GAD1: variants seen among roughly 807,000 people sequenced by gnomAD.
GAD1 encodes 67 kDa glutamic acid decarboxylase.
GAD1 carries 35 observed loss-of-function variants against 75.2 expected under a neutral mutation model. The ratio of observed to expected loss-of-function variants is 0.47; its 90% confidence interval spans 0.36 to 0.62. The LOEUF is 0.62. GAD1 is among the 20% of genes least tolerant of loss of function. GAD1 has a pLI of 0.00. For missense variants in GAD1, 490 were observed against 758.5 expected, an observed-to-expected ratio of 0.65 and a Z score of 4.16; for synonymous variants, 257 against 271.9, an observed-to-expected ratio of 0.95 and a Z score of 0.54.
At position 170,818,457 on chromosome 2, in the gene GAD1, C is replaced by G; in HGVS notation, c.-63-72C>G. The G allele has an allele frequency of 2.4e-6, 2 of 819,294 alleles. No individual in the cohort carries two copies. The highest frequency in any genetic ancestry group is 1.8e-5 in the Admixed American group (1 of 55,968). 50.8% of individuals were successfully genotyped at this position (819,294 alleles called of 1,614,324 possible). The stretch of plus-strand genomic sequence containing the variant: ...ATCTTCAAGGGGAGCCTCCGTGCCC[C>G]CGGCTGCTCAGTCCCTCCGGTGTGC... On this transcript the variant is annotated intron_variant, in intron 1 of 16. Transcript: ENST00000358196. This position sits in a 1 kb window ranked among gnomAD's most constrained non-coding sequence, Gnocchi z 5.9.
intron 5 of GAD1, among the ~76,000 whole-genome samples, chr2:170,836,053 G>A (rs568808186): frequency 1.3e-5 from 2 of 152,184 alleles, no homozygotes; most frequent in South Asian, 2.1e-4. Flanking sequence ...TTCTCAGAGA[G>A]GAGAGTTAGA....
At chr2:170,821,500 T>C (rs1701878793) in intron 2 of GAD1, among the ~76,000 whole-genome samples, 2 of 152,212 alleles carry the variant, frequency 1.3e-5, no homozygotes, top group Non-Finnish European at 2.9e-5. Context: ...CTCCCCGGTC[T>C]GACTGAAGAG....
chr2:170,845,503 CA>C lies in GAD1; in HGVS notation c.752-2del. 1 of 1,612,610 alleles carries C rather than the reference CA, an allele frequency of 6.2e-7. No individual in the cohort carries two copies. Among genetic ancestry groups the C allele is most frequent in the Non-Finnish European group, 8.5e-7 (1 of 1,179,446 alleles). On this transcript the variant is annotated splice_acceptor_variant, in intron 7 of 16. Transcript: ENST00000358196. LOFTEE classifies it high-confidence loss of function. ...ACCTCCCAATATGTCCGCTTGCTGA[CA>C]GGGGGCGCCATATCCAACATGTACA...
Position 170,858,900 on chromosome 2 carries a change from A to T in GAD1, c.1611+7A>T, listed in dbSNP as rs1327915112. The T allele has an allele frequency of 6.2e-7, 1 of 1,612,948 alleles. No homozygotes were observed. The highest frequency in any genetic ancestry group is 2.2e-5 in the East Asian group (1 of 44,878). On this transcript the variant is annotated splice_region_variant and intron_variant, in intron 16 of 16. Transcript: ENST00000358196. ...ACGGGAAAAGCTACACAAGGTATGG[A>T]CTTGCTTTTTGTCTCATCTAATCCT...
chr2:170,858,660 G>A lies in GAD1; in HGVS notation c.1522-144G>A, dbSNP rs1401119360. On this transcript the variant is annotated intron_variant, in intron 15 of 16. Coordinates refer to ENST00000358196, the MANE Select transcript of GAD1 (RefSeq NM_000817.3). ...TAAATGAGGCATTGTTCTCCCTGGT[G>A]TGGAAGTAACATTGCCTTTGAGATG... 6.8e-6 allele frequency: 5 copies of A among 735,384 alleles called. No individual in the cohort carries two copies. In the Admixed American group the frequency reaches 8.1e-5, roughly 12 times the overall value. The allele number at this position is 735,384 out of a possible 1,614,324, so 45.6% of individuals were successfully genotyped here.
intron 2 of GAD1, among the ~76,000 whole-genome samples, chr2:170,819,686 C>G (rs984152640): frequency 6.6e-6 from 1 of 151,974 alleles, no homozygotes; most frequent in Non-Finnish European, 1.5e-5. Context: ...AGTGTTCCCA[C>G]TCCCCCATTT....
upstream of GAD1, among the ~76,000 whole-genome samples, chr2:170,814,791 T>C (rs1427646809): frequency 6.6e-6 from 1 of 152,200 alleles, no homozygotes; most frequent in Non-Finnish European, 1.5e-5. Flanking sequence ...TACCTAGCCT[T>C]GCAGGAGATT....
chr2:170,840,002 C>T (rs891480984), intron 6 of GAD1, among the ~76,000 whole-genome samples: 4 of 152,174 alleles, frequency 2.6e-5, no homozygotes, highest in Non-Finnish European at 5.9e-5. Context: ...TAGATAGGAG[C>T]CTGCAGTAAG....
intron 7 of GAD1, 59 bp downstream of exon 7, chr2:170,844,216 G>A: frequency 1.0e-6 from 1 of 999,778 alleles, no homozygotes; most frequent in Non-Finnish European, 1.6e-6. Context: ...TACAAAATAT[G>A]AAGTAGGTTT....
Position 170,832,664 on chromosome 2 carries a change from G to GCACACACACA in GAD1, c.547+1495_547+1504dup, listed in dbSNP as rs3049892. 5.0e-3 allele frequency among the ~76,000 whole-genome samples: 395 copies of GCACACACACA among 78,946 alleles called. 3 individuals carry two copies. Among genetic ancestry groups the GCACACACACA allele is most frequent in the African/African-American group, 0.014 (358 of 26,302 alleles). The allele number at this position is 78,946 out of a possible 152,430, so 51.8% of individuals were successfully genotyped here. Reference sequence around the variant, plus strand: ...CACAGGCACACATGCGCGCGCGCGCGCACACACACACACACACACACACAC... The same window carrying GCACACACACA: ...CACAGGCACACATGCGCGCGCGCGCGCACACACACACACACACACACACACACACACACAC... On this transcript the variant is annotated intron_variant, in intron 5 of 16. Transcript: ENST00000358196.
At chr2:170,834,018 G>A (rs927593553) in intron 5 of GAD1, among the ~76,000 whole-genome samples, 4 of 151,572 alleles carry the variant, frequency 2.6e-5, no homozygotes, top group African/African-American at 7.3e-5. Flanking sequence ...AAAAAAGAGA[G>A]AGAGAGAGAG....
chr2:170,814,700 T>G (rs922281311), upstream of GAD1, among the ~76,000 whole-genome samples: 1 of 152,150 alleles, frequency 6.6e-6, no homozygotes, highest in Non-Finnish European at 1.5e-5. Context: ...CGGACAAAAG[T>G]CTTCATTCCT....
intron 14 of GAD1, among the ~76,000 whole-genome samples, chr2:170,855,664 C>T (rs900381510): frequency 6.6e-6 from 1 of 151,792 alleles, no homozygotes; most frequent in African/African-American, 2.4e-5. Context: ...CATTTGAGCT[C>T]AGGAGTTCGA....
chr2:170,816,011 A>G (rs1701688829), upstream of GAD1: 1 of 152,006 alleles, frequency 6.6e-6, no homozygotes, highest in Non-Finnish European at 1.5e-5. Context: ...GAATCCTTAA[A>G]GCGCGTGAAA....
intron 5 of GAD1, among the ~76,000 whole-genome samples, chr2:170,832,664 G>GCGCACACACA (rs1383855055): frequency 5.1e-5 from 4 of 78,912 alleles, no homozygotes; most frequent in African/African-American, 1.5e-4. Context: ...GCGCGCGCGC[G>GCGCACACACA]CACACACACA....
In GAD1 at chr2:170,819,485, G is replaced by A. The variant is rs3791877; in HGVS notation, c.82+812G>A. Among the ~76,000 whole-genome samples the A allele has an allele frequency of 0.021, 3,240 of 152,088 alleles. 238 individuals carry two copies. In the East Asian group the frequency reaches 0.27, roughly 13 times the overall value. ...GAAAAGAGACACCAGATAAAAGAGG[G>A]GGGAGGATTTATGCTTCCCTGTCTT... On this transcript the variant is annotated intron_variant, in intron 2 of 16. Coordinates refer to ENST00000358196, the MANE Select transcript of GAD1 (RefSeq NM_000817.3).
intron 16 of GAD1, 45 bp from the exon 17 acceptor site, chr2:170,859,664 T>G (rs1702919665): frequency 1.3e-6 from 2 of 1,585,980 alleles, no homozygotes; most frequent in Non-Finnish European, 1.7e-6. Context: ...AAAGAGAGGG[T>G]GTTCATATCA....
intron 14 of GAD1, among the ~76,000 whole-genome samples, chr2:170,854,437 G>C (rs1431531767): frequency 8.4e-6 from 1 of 119,008 alleles, no homozygotes; most frequent in African/African-American, 3.3e-5. Context: ...GTCTCACTCT[G>C]TAGCCCAGGC....
chr2:170,853,875 T>C lies in GAD1; in HGVS notation c.1266T>C (p.Gly422=), dbSNP rs910315388. The C allele has an allele frequency of 1.7e-5, 28 of 1,614,052 alleles. No individual in the cohort carries two copies. The highest frequency in any genetic ancestry group is 2.3e-5 in the Non-Finnish European group (27 of 1,179,990). The part of the protein sequence containing the change: ...QCSAILVKEK[G]ILQGCNQMCA... ...ACCCATCTTAATTTCCATGATAGGG[T>C]ATACTCCAAGGATGCAACCAGATGT... Residue 422 remains glycine, a splice_region_variant and synonymous_variant, in exon 14 of 17, where the codon GGT becomes GGC. Coordinates refer to ENST00000358196, the MANE Select transcript of GAD1 (RefSeq NM_000817.3). This position sits in a 1 kb window ranked among gnomAD's most constrained non-coding sequence, Gnocchi z 4.1.
Sources: allele counts gnomAD v4.1 joint callset (sites outside exome capture counted in the v4.1 genomes callset), GRCh38; gene constraint gnomAD v4.1.1; non-coding constraint Gnocchi (gnomAD v3.1); transcripts MANE v1.5; gene names NCBI Gene and HGNC (gene_info 2026-07-23, HGNC 2026-07-21).